Variants in CETP observed in about 807,000 individuals in gnomAD.
CETP encodes the protein BPI fold containing family F.
In CETP, 56 loss-of-function variants were observed where a neutral mutation model predicts 66.5. That is an observed-to-expected ratio of 0.84 (90% CI 0.68 to 1.05). CETP has a LOEUF of 1.05. Ranked by LOEUF, CETP falls within the 50% of genes least tolerant of loss-of-function variation. The pLI is 0.00. For missense variants in CETP, 612 were observed against 609.6 expected, an observed-to-expected ratio of 1.00 and a Z score of -0.04; for synonymous variants, 251 against 245.7, an observed-to-expected ratio of 1.02 and a Z score of -0.20.
chr16:56,961,977 A>C lies in CETP; in HGVS notation c.-3A>C. 1 of 1,613,398 alleles carries C rather than the reference A, an allele frequency of 6.2e-7. No individual in the cohort carries two copies. The highest frequency in any genetic ancestry group is 8.5e-7 in the Non-Finnish European group (1 of 1,179,482). ...GCCACTTACACACCACTGCCTGATA[A>C]CCATGCTGGCTGCCACAGTCCTGAC... On this transcript the variant is annotated 5_prime_UTR_variant, in exon 1 of 16. Coordinates refer to ENST00000200676, the MANE Select transcript of CETP (RefSeq NM_000078.3).
intron 5 of CETP, among the ~76,000 whole-genome samples, chr16:56,970,816 G>A (rs1427161113): frequency 6.6e-6 from 1 of 152,212 alleles, no homozygotes; most frequent in African/African-American, 2.4e-5. Context: ...AGCGTCACAG[G>A]AGCTGGGCCC....
Position 56,965,267 on chromosome 16 carries a change from C to G in CETP, c.233+2143C>G, listed in dbSNP as rs780471689. Among the ~76,000 whole-genome samples the G allele has an allele frequency of 2.0e-5, 3 of 150,676 alleles. No individual in the cohort carries two copies. In the East Asian group the frequency reaches 5.8e-4, roughly 29 times the overall value. The stretch of plus-strand genomic sequence containing the variant: ...ATTAATATATAACTGTTATCCCAAA[C>G]GTATATGAGTGGGGTAGAAATAAAA... On this transcript the variant is annotated intron_variant, in intron 2 of 15. Coordinates refer to ENST00000200676, the MANE Select transcript of CETP (RefSeq NM_000078.3).
At chr16:56,972,277 C>T (rs1275641985) in intron 8 of CETP, among the ~76,000 whole-genome samples, 194 bp downstream of exon 8, 1 of 152,200 alleles carries the variant, frequency 6.6e-6, no homozygotes, top group Non-Finnish European at 1.5e-5. Flanking sequence ...GTGCCCCTGA[C>T]CCCTCTCTGC....
chr16:56,981,990 C>A (rs142517945), intron 13 of CETP, among the ~76,000 whole-genome samples, 175 bp from the exon 14 acceptor site: 1 of 152,068 alleles, frequency 6.6e-6, no homozygotes, highest in Non-Finnish European at 1.5e-5. Flanking sequence ...CTCCCCAGGG[C>A]GAAGGAAAGA....
At chr16:56,974,781 A>G (rs1362664511) in intron 9 of CETP, among the ~76,000 whole-genome samples, 2 of 152,194 alleles carry the variant, frequency 1.3e-5, no homozygotes, top group African/African-American at 2.4e-5. Context: ...CCTATACTGT[A>G]CTAGAAATGC....
chr16:56,963,168 G>A (rs371399686), intron 2 of CETP, 44 bp downstream of exon 2: 38 of 1,489,582 alleles, frequency 2.6e-5, no homozygotes, highest in Middle Eastern at 1.7e-4. Flanking sequence ...GTAGGGAGGC[G>A]GGAGGAACAG....
In CETP at chr16:56,971,067, A is replaced by G. The variant is rs746206629; in HGVS notation, c.562A>G (p.Ile188Val). The change falls in exon 6 of 16, where the codon ATC becomes GTC. Residue 188 changes from isoleucine to valine, a missense_variant. By Grantham distance (29) the Ile-to-Val change is conservative. Transcript: ENST00000200676. Reference sequence around the variant, plus strand: ...GATCAAGCAGCTGTTCACAAATTTCATCTCCTTCACCCTGAAGCTGGTCCT... The same window carrying G: ...GATCAAGCAGCTGTTCACAAATTTCGTCTCCTTCACCCTGAAGCTGGTCCT... ...GWIKQLFTNFISFTLKLVLKG... is the reference protein window; with the variant it reads ...GWIKQLFTNFVSFTLKLVLKG... 4.1e-5 allele frequency: 66 copies of G among 1,613,678 alleles called. No homozygotes were observed. Among genetic ancestry groups the G allele is most frequent in the Non-Finnish European group, 9.3e-6 (11 of 1,179,830 alleles).
At position 56,977,727 on chromosome 16, in the gene CETP, C is replaced by G. The variant is rs946508545; in HGVS notation, c.982-364C>G. 1.9e-3 allele frequency among the ~76,000 whole-genome samples: 295 copies of G among 152,336 alleles called. 2 individuals carry two copies. The highest frequency in any genetic ancestry group is 3.9e-3 in the South Asian group (19 of 4,824). On this transcript the variant is annotated intron_variant, in intron 10 of 15. Coordinates refer to ENST00000200676, the MANE Select transcript of CETP (RefSeq NM_000078.3). The stretch of plus-strand genomic sequence containing the variant: ...ACCATGCAGTAGGTCCTGTTCTAAG[C>G]TCTTTCCACAGATTATCTCATTCCA...
chr16:56,981,279 C>A (rs2056185689), intron 12 of CETP, 54 bp downstream of exon 12: 1 of 1,403,166 alleles, frequency 7.1e-7, no homozygotes, highest in Non-Finnish European at 1.0e-6. Flanking sequence ...CTCTCCCTGG[C>A]CCCTTGGAGT....
intron 1 of CETP, chr16:56,962,422 G>A (rs751630746): frequency 5.0e-6 from 3 of 600,466 alleles, no homozygotes; most frequent in Non-Finnish European, 6.4e-6. Context: ...GAGTCAGGGG[G>A]TAAAGATTAG....
intron 1 of CETP, 92 bp from the exon 2 acceptor site, chr16:56,962,916 CAG>C: frequency 9.1e-7 from 1 of 1,094,092 alleles, no homozygotes; most frequent in Non-Finnish European, 1.4e-6. Context: ...AGCCTCATCT[CAG>C]AGAGGCTGAG....
In CETP at chr16:56,983,649, CT is replaced by C; in HGVS notation, c.1466del (p.Leu489ProfsTer4). 6.2e-7 allele frequency: 1 copy of C among 1,614,180 alleles called. No individual in the cohort carries two copies. The highest frequency in any genetic ancestry group is 8.5e-7 in the Non-Finnish European group (1 of 1,180,014). On this transcript the variant is annotated frameshift_variant, in exon 16 of 16. Transcript: ENST00000200676. LOFTEE classifies it high-confidence loss of function. ...GFPEHLLVDF[L>X]QSLS The stretch of plus-strand genomic sequence containing the variant: ...CCCTGAGCACCTGCTGGTGGATTTC[CT>C]CCAGAGCTTGAGCTAGAAGTCTCCA...
Position 56,982,127 on chromosome 16 carries a change from G to A in CETP, c.1249-38G>A, listed in dbSNP as rs929214283. ...CATCTGCCTTGTGGGTCACTTCTGT[G>A]CTCCAGGGAGGACTCACCATGGGCA... is the stretch of plus-strand genomic sequence containing the variant. On this transcript the variant is annotated intron_variant, in intron 13 of 15. Coordinates refer to ENST00000200676, the MANE Select transcript of CETP (RefSeq NM_000078.3). 10 of 1,590,278 alleles carry A rather than the reference G, an allele frequency of 6.3e-6. No individual in the cohort carries two copies. In the Admixed American group the frequency reaches 1.5e-4, roughly 24 times the overall value.
chr16:56,981,219 A>C lies in CETP; in HGVS notation c.1208A>C (p.Asp403Ala). Reference protein sequence around the residue: ...SKKKLFLSLLDFQITPKTVSN... With the variant: ...SKKKLFLSLLAFQITPKTVSN... ...AAAAAGCTCTTCTTAAGCCTCTTGG[A>C]TTTCCAGTATGTGCTGCAGAGAAGA... The change falls in exon 12 of 16, where the codon GAT becomes GCT. Residue 403 changes from aspartate (D) to alanine (A), a missense_variant. Coordinates refer to ENST00000200676, the MANE Select transcript of CETP (RefSeq NM_000078.3). 6.2e-7 allele frequency: 1 copy of C among 1,611,494 alleles called. No homozygotes were observed. Among genetic ancestry groups the C allele is most frequent in the Non-Finnish European group, 8.5e-7 (1 of 1,177,588 alleles).
chr16:56,981,129 C>T (rs368651647), intron 11 of CETP, 29 bp from the exon 12 acceptor site: 19 of 1,566,332 alleles, frequency 1.2e-5, no homozygotes, highest in Non-Finnish European at 1.7e-5. Context: ...AGAGCCCTGG[C>T]TCACAGCAAA....
At chr16:56,969,549 T>A in intron 3 of CETP, 29 bp downstream of exon 3, 1 of 1,614,230 alleles carries the variant, frequency 6.2e-7, no homozygotes, top group Non-Finnish European at 8.5e-7. Context: ...TGATGCCCCA[T>A]GCCCTGGCCC....
In CETP at chr16:56,978,101, G is replaced by A. The variant is rs776508508; in HGVS notation, c.992G>A (p.Gly331Asp). 3 of 1,614,146 alleles carry A rather than the reference G, an allele frequency of 1.9e-6. No individual in the cohort carries two copies. The highest frequency in any genetic ancestry group is 2.5e-6 in the Non-Finnish European group (3 of 1,179,986). ...CCCTGTCTTCCACAGGTTGTCGGCG[G>A]CTTCCCCAGCCAGGCCCAAGTCACC... ...NQEIFQEVVG[G>D]FPSQAQVTVH... The change falls in exon 11 of 16, where the codon GGC (glycine) becomes GAC (aspartate). Residue 331 changes from glycine to aspartate, a missense_variant. Coordinates refer to ENST00000200676, the MANE Select transcript of CETP (RefSeq NM_000078.3).
chr16:56,966,072 T>TAA (rs142058276), intron 2 of CETP, among the ~76,000 whole-genome samples: 3 of 152,108 alleles, frequency 2.0e-5, no homozygotes, highest in African/African-American at 4.8e-5. Context: ...TTTTCTGCCA[T>TAA]AAAAAAAATC....
At position 56,983,717 on chromosome 16, in the gene CETP, G is replaced by A; in HGVS notation, c.*51G>A. The A allele has an allele frequency of 1.3e-6, 2 of 1,544,748 alleles. No individual in the cohort carries two copies. Among genetic ancestry groups the A allele is most frequent in the Non-Finnish European group, 1.8e-6 (2 of 1,116,908 alleles). On this transcript the variant is annotated 3_prime_UTR_variant, in exon 16 of 16. Transcript: ENST00000200676. The stretch of plus-strand genomic sequence containing the variant: ...GCTTGTAGCAGAAGGCAAGCACCAG[G>A]CTCACAGCTGGAACCCTGGTGTCTC...
Sources: allele counts gnomAD v4.1 joint callset (sites outside exome capture counted in the v4.1 genomes callset), GRCh38; gene constraint gnomAD v4.1.1; transcripts MANE v1.5; gene names NCBI Gene and HGNC (gene_info 2026-07-23, HGNC 2026-07-21).